The following LRP6 variants were observed in gnomAD, a reference collection of about 807,000 sequenced individuals.
The protein encoded by LRP6 is low-density lipoprotein receptor-related protein 6.
In LRP6, 43 loss-of-function variants were observed where a neutral mutation model predicts 184.1. The observed-to-expected ratio is 0.23, with a 90% CI of 0.18 to 0.30. The LOEUF (loss-of-function observed/expected upper bound fraction) is 0.30, where lower values mean the gene tolerates loss of function less well. LRP6 is among the 10% of genes least tolerant of loss of function. The probability of loss-of-function intolerance (pLI) is 1.00; values close to 1 mark genes in which losing one functional copy is unlikely to be tolerated. For synonymous variants in LRP6, 719 were observed against 684.9 expected (o/e 1.05, Z -0.78); for missense variants, 1,571 against 2,005.3 (o/e 0.78, Z 4.14).
chr12:12,186,505 A>G (rs771521981), intron 4 of LRP6, among the ~76,000 whole-genome samples: 73 of 151,886 alleles, frequency 4.8e-4, no homozygotes, highest in Non-Finnish European at 8.7e-4. Flanking sequence ...CAGCCTCCCA[A>G]GCGGCTGGGA....
chr12:12,252,524 G>A (rs1170662986), intron 1 of LRP6, among the ~76,000 whole-genome samples: 2 of 152,172 alleles, frequency 1.3e-5, no homozygotes, highest in South Asian at 2.1e-4. Context: ...GTTCTATGAA[G>A]GTATAAAGCT....
At chr12:12,239,664 T>C (rs1424746275) in intron 2 of LRP6, among the ~76,000 whole-genome samples, 1 of 151,896 alleles carries the variant, frequency 6.6e-6, no homozygotes, top group Non-Finnish European at 1.5e-5. Context: ...CCCTATTCTT[T>C]TTCTTTTTTT....
At chr12:12,238,113 C>A (rs1389813144) in intron 2 of LRP6, among the ~76,000 whole-genome samples, 2 of 151,274 alleles carry the variant, frequency 1.3e-5, no homozygotes, top group African/African-American at 4.9e-5. Context: ...CAAGGAACTT[C>A]TAAAAAAATT....
At chr12:12,225,273 A>G (rs1170085604) in intron 2 of LRP6, among the ~76,000 whole-genome samples, 1 of 152,212 alleles carries the variant, frequency 6.6e-6, no homozygotes, top group Non-Finnish European at 1.5e-5. Context: ...AATAGTGAGT[A>G]AAAAGCTAAA....
At chr12:12,205,346 AAAAAAAAAAAG>A (rs1180159451) in intron 2 of LRP6, among the ~76,000 whole-genome samples, 8 of 147,774 alleles carry the variant, frequency 5.4e-5, no homozygotes, top group East Asian at 1.9e-4. Context: ...AAAAAAAAAA[AAAAAAAAAAAG>A]AGGTAATGAG....
At chr12:12,213,236 C>T (rs1434628891) in intron 2 of LRP6, among the ~76,000 whole-genome samples, 2 of 152,086 alleles carry the variant, frequency 1.3e-5, no homozygotes, top group Admixed American at 1.3e-4. Context: ...TCTCATCTTA[C>T]ATGTATACTC....
At chr12:12,185,084 C>G (rs1005955080) in intron 4 of LRP6, among the ~76,000 whole-genome samples, 7 of 152,076 alleles carry the variant, frequency 4.6e-5, no homozygotes, top group African/African-American at 1.7e-4. Flanking sequence ...CACTTGAGCC[C>G]AGGAGTTTGA....
At chr12:12,248,799 C>G (rs1338939196) in intron 1 of LRP6, among the ~76,000 whole-genome samples, 1 of 152,086 alleles carries the variant, frequency 6.6e-6, no homozygotes, top group Non-Finnish European at 1.5e-5. Context: ...TTATTCTTAA[C>G]ACCTCTAGAG....
chr12:12,202,425 C>T (rs1482922981), intron 3 of LRP6, among the ~76,000 whole-genome samples: 1 of 152,180 alleles, frequency 6.6e-6, no homozygotes, highest in African/African-American at 2.4e-5. Context: ...TGCCTATAGT[C>T]CCAGCTACTC....
At chr12:12,137,484 G>C (rs1949858122) in intron 16 of LRP6, among the ~76,000 whole-genome samples, 1 of 151,946 alleles carries the variant, frequency 6.6e-6, no homozygotes, top group Non-Finnish European at 1.5e-5. Flanking sequence ...GCTGGGAATT[G>C]AAATATTTAT....
At chr12:12,222,599 G>T (rs1217401183) in intron 2 of LRP6, among the ~76,000 whole-genome samples, 1 of 150,760 alleles carries the variant, frequency 6.6e-6, no homozygotes, top group East Asian at 1.9e-4. Context: ...AAGAAAGAAA[G>T]ATTCCATTCT....
intron 9 of LRP6, 44 bp downstream of exon 9, chr12:12,164,229 T>A: frequency 5.1e-6 from 8 of 1,561,744 alleles, no homozygotes; most frequent in Non-Finnish European, 7.0e-6. Context: ...CTAGAAGTTC[T>A]CCCTTTTAGT....
At chr12:12,206,666 G>A (rs1864066720) in intron 2 of LRP6, among the ~76,000 whole-genome samples, 2 of 152,052 alleles carry the variant, frequency 1.3e-5, no homozygotes, top group Non-Finnish European at 2.9e-5. Context: ...CTAGCACTTT[G>A]GCAGGCCAAG....
intron 15 of LRP6, 174 bp from the exon 16 acceptor site, chr12:12,138,708 A>G (rs903338312): frequency 1.5e-6 from 2 of 1,355,086 alleles, no homozygotes; most frequent in Middle Eastern, 2.6e-4. Flanking sequence ...AACAGCCAAT[A>G]AACTAGATAT....
chr12:12,234,589 C>CT (rs1864884311), intron 2 of LRP6, among the ~76,000 whole-genome samples: 2 of 151,966 alleles, frequency 1.3e-5, no homozygotes, highest in South Asian at 2.1e-4. Context: ...TTCCAGCACT[C>CT]TGAGAGGCTG....
intron 2 of LRP6, among the ~76,000 whole-genome samples, chr12:12,210,045 C>G (rs1264860873): frequency 2.0e-5 from 3 of 152,108 alleles, no homozygotes; most frequent in Non-Finnish European, 4.4e-5. Context: ...ATTCAATAAA[C>G]AGCAAGAAGA....
At chr12:12,207,388 G>A (rs1864089720) in intron 2 of LRP6, among the ~76,000 whole-genome samples, 1 of 152,034 alleles carries the variant, frequency 6.6e-6, no homozygotes, top group Non-Finnish European at 1.5e-5. Flanking sequence ...GCATGATGGT[G>A]TGCACCTGTA....
At chr12:12,160,010 C>G (rs1182583474) in intron 10 of LRP6, 46 bp from the exon 11 acceptor site, 1 of 1,391,096 alleles carries the variant, frequency 7.2e-7, no homozygotes, top group Non-Finnish European at 1.0e-6. Flanking sequence ...TTTTTATTAT[C>G]TGGGGGAAAG....
chr12:12,140,764 A>C (rs1220180555), intron 15 of LRP6, among the ~76,000 whole-genome samples: 2 of 151,954 alleles, frequency 1.3e-5, no homozygotes, highest in Non-Finnish European at 2.9e-5. Flanking sequence ...TCACCATGCC[A>C]GGCTAATTTT....
Sources: allele counts gnomAD v4.1 joint callset (sites outside exome capture counted in the v4.1 genomes callset), GRCh38; gene constraint gnomAD v4.1.1; transcripts MANE v1.5; gene names NCBI Gene and HGNC (gene_info 2026-07-23, HGNC 2026-07-21).